MGAT4C: variants seen among roughly 807,000 people sequenced by gnomAD.
MGAT4C encodes the protein alpha-1,3-mannosyl-glycoprotein 4-beta-N-acetylglucosaminyltransferase C.
Under a neutral mutation model 40.1 loss-of-function variants are expected in MGAT4C, and 19 were observed. The ratio of observed to expected loss-of-function variants is 0.47; its 90% CI spans 0.33 to 0.70. The LOEUF (loss-of-function observed/expected upper bound fraction) is 0.70, where lower values mean the gene tolerates loss of function less well. MGAT4C is among the 30% of genes least tolerant of loss of function. The probability of loss-of-function intolerance (pLI) is 0.02; values close to 1 mark genes in which losing one functional copy is unlikely to be tolerated. For synonymous variants in MGAT4C, 181 were observed against 187.1 expected (o/e 0.97, Z 0.27); for missense variants, 491 against 563.2 (o/e 0.87, Z 1.30).
Position 85,989,467 on chromosome 12 carries a change from G to GAC in MGAT4C, c.78_79dup (p.Ser27CysfsTer14). On this transcript the variant is annotated frameshift_variant, in exon 3 of 5. Transcript: ENST00000611864. LOFTEE classifies it high-confidence loss of function. ...AAAAATGACAAGAACTCCCAAGAAT[G>GAC]ACACTGTAGAACGTTTTCTCAGGCA... is the stretch of plus-strand genomic sequence containing the variant. The GAC allele has an allele frequency of 6.2e-7, 1 of 1,607,074 alleles. No homozygotes were observed. Among genetic ancestry groups the GAC allele is most frequent in the Non-Finnish European group, 8.5e-7 (1 of 1,175,684 alleles).
At chr12:86,778,876 C>T (rs1197635661) in intron 1 of MGAT4C, among the ~76,000 whole-genome samples, 1 of 151,276 alleles carries the variant, frequency 6.6e-6, no homozygotes, top group Non-Finnish European at 1.5e-5. Context: ...CCATATAAAA[C>T]AAAACAAAAC....
chr12:86,136,032 T>C (rs1278668341), intron 1 of MGAT4C, among the ~76,000 whole-genome samples: 1 of 152,200 alleles, frequency 6.6e-6, no homozygotes, highest in African/African-American at 2.4e-5. Flanking sequence ...GAATTTATAT[T>C]ATTACTGGAG....
intron 1 of MGAT4C, among the ~76,000 whole-genome samples, chr12:86,828,064 G>T: frequency 6.6e-6 from 1 of 150,810 alleles, no homozygotes; most frequent in East Asian, 2.0e-4. Flanking sequence ...CTTTCACTTA[G>T]TAATTAATGG....
chr12:86,723,294 A>C (rs552256731), intron 2 of MGAT4C, among the ~76,000 whole-genome samples: 2 of 152,344 alleles, frequency 1.3e-5, no homozygotes, highest in Non-Finnish European at 1.5e-5. Context: ...TTAGACAAGA[A>C]ACATTTGTTA....
At chr12:86,007,318 T>A (rs1887986657) in intron 2 of MGAT4C, among the ~76,000 whole-genome samples, 1 of 152,142 alleles carries the variant, frequency 6.6e-6, no homozygotes, top group Non-Finnish European at 1.5e-5. Flanking sequence ...GAGTCCATCA[T>A]TCTTCCATTT....
At chr12:86,356,057 G>T (rs7954833) in intron 3 of MGAT4C, among the ~76,000 whole-genome samples, 135,514 of 152,140 alleles carry the variant, frequency 0.89, 60,566 homozygotes, top group East Asian at 1. Flanking sequence ...AAATATTAAC[G>T]CTACATACAG....
chr12:86,412,120 T>C (rs1956618638), intron 3 of MGAT4C, among the ~76,000 whole-genome samples: 1 of 152,274 alleles, frequency 6.6e-6, no homozygotes, highest in South Asian at 2.1e-4. Flanking sequence ...CAGAAGCTTG[T>C]AGCAGGGTTG....
intron 1 of MGAT4C, among the ~76,000 whole-genome samples, chr12:86,077,586 C>G (rs941659843): frequency 3.9e-5 from 6 of 152,218 alleles, no homozygotes; most frequent in African/African-American, 1.2e-4. Flanking sequence ...TTGATGACTA[C>G]TTTCTTCTAC....
intron 2 of MGAT4C, among the ~76,000 whole-genome samples, chr12:86,635,477 G>A (rs1004689178): frequency 2.0e-5 from 3 of 151,900 alleles, no homozygotes; most frequent in African/African-American, 7.3e-5. Flanking sequence ...GTGTATTGTG[G>A]GTGAGTGCCC....
chr12:86,466,171 T>C (rs1252785006), intron 2 of MGAT4C, among the ~76,000 whole-genome samples: 2 of 151,474 alleles, frequency 1.3e-5, no homozygotes. Context: ...ATAGCGCCAT[T>C]GCACTCCAGC....
chr12:86,309,287 A>T (rs992487154), intron 4 of MGAT4C, among the ~76,000 whole-genome samples: 12 of 152,164 alleles, frequency 7.9e-5, no homozygotes, highest in African/African-American at 2.9e-4. Flanking sequence ...CCACCAAAAA[A>T]CTTAGTTGCC....
At chr12:86,196,722 C>T (rs889669824) in intron 1 of MGAT4C, among the ~76,000 whole-genome samples, 2 of 152,190 alleles carry the variant, frequency 1.3e-5, no homozygotes, top group East Asian at 1.9e-4. Flanking sequence ...ATTCCATCTC[C>T]GTTCCTGTCC....
chr12:86,171,369 CA>C (rs1886829713), intron 1 of MGAT4C, among the ~76,000 whole-genome samples: 3 of 151,864 alleles, frequency 2.0e-5, no homozygotes, highest in Middle Eastern at 6.8e-3. Context: ...AATTCCATCT[CA>C]AAAAAATAAA....
At chr12:86,607,107 G>T (rs1177489438) in intron 2 of MGAT4C, among the ~76,000 whole-genome samples, 3 of 151,992 alleles carry the variant, frequency 2.0e-5, no homozygotes, top group South Asian at 4.2e-4. Context: ...TAATACTTGA[G>T]AAAAAGAGAA....
At chr12:86,750,848 T>C (rs1032109979) in intron 1 of MGAT4C, among the ~76,000 whole-genome samples, 4 of 151,938 alleles carry the variant, frequency 2.6e-5, no homozygotes, top group African/African-American at 9.7e-5. Context: ...GGCATTAATT[T>C]TCAGAAACTT....
chr12:86,627,654 G>T (rs1962865355), intron 2 of MGAT4C, among the ~76,000 whole-genome samples: 1 of 152,170 alleles, frequency 6.6e-6, no homozygotes, highest in Non-Finnish European at 1.5e-5. Flanking sequence ...TGAGGGACCT[G>T]ACTGTTAGGA....
chr12:86,138,455 A>G (rs1031263265), intron 1 of MGAT4C, among the ~76,000 whole-genome samples: 8 of 148,282 alleles, frequency 5.4e-5, no homozygotes, highest in Admixed American at 2.0e-4. Context: ...TATATAACAT[A>G]TATATATATT....
chr12:86,006,120 T>C (rs866248925), intron 2 of MGAT4C, among the ~76,000 whole-genome samples: 1 of 152,170 alleles, frequency 6.6e-6, no homozygotes, highest in African/African-American at 2.4e-5. Flanking sequence ...TAACAGATTA[T>C]GTATGGACAG....
chr12:86,084,821 T>C (rs1272016448), intron 1 of MGAT4C, among the ~76,000 whole-genome samples: 1 of 151,924 alleles, frequency 6.6e-6, no homozygotes, highest in Non-Finnish European at 1.5e-5. Context: ...TTGGGGTGGC[T>C]GGATTTTGTT....
Sources: gnomAD v4.1 joint callset for allele counts (sites outside exome capture counted in the v4.1 genomes callset) on GRCh38, gnomAD v4.1.1 for gene constraint, MANE v1.5 for transcripts, NCBI Gene and HGNC (gene_info 2026-07-23, HGNC 2026-07-21) for gene names.